Variants in SEMA4D observed in about 807,000 individuals in gnomAD.
The protein encoded by SEMA4D is semaphorin-4D.
A neutral mutation model predicts 74.8 loss-of-function variants in SEMA4D; 22 were observed. The ratio of observed to expected loss-of-function variants is 0.29; its 90% confidence interval spans 0.21 to 0.42. The LOEUF is 0.42. Ranked by LOEUF, SEMA4D falls within the 10% of genes least tolerant of loss-of-function variation. The pLI is 1.00. For synonymous variants in SEMA4D, 445 were observed against 463.7 expected, an observed-to-expected ratio of 0.96 and a Z score of 0.52; for missense variants, 937 against 1,118.4, an observed-to-expected ratio of 0.84 and a Z score of 2.31.
intron 13 of SEMA4D, among the ~76,000 whole-genome samples, chr9:89,382,266 C>T (rs1837286237): frequency 6.6e-6 from 1 of 152,232 alleles, no homozygotes; most frequent in African/African-American, 2.4e-5. Context: ...CCGTGGAGCG[C>T]GCTCTCTAGC....
At chr9:89,447,934 T>C (rs558525937) in intron 2 of SEMA4D, among the ~76,000 whole-genome samples, 73 of 152,320 alleles carry the variant, frequency 4.8e-4, no homozygotes, top group Middle Eastern at 3.4e-3. Flanking sequence ...CAGCTCCCCT[T>C]GTAGAACCCG....
At chr9:89,461,700 C>CCTTTTTTTTT (rs1857249389) in intron 1 of SEMA4D, among the ~76,000 whole-genome samples, 1 of 103,646 alleles carries the variant, frequency 9.6e-6, no homozygotes, top group African/African-American at 3.5e-5. Flanking sequence ...TCTTTTTTCT[C>CCTTTTTTTTT]TTTTTTTTTT....
intron 4 of SEMA4D, among the ~76,000 whole-genome samples, chr9:89,400,323 ATATC>A (rs1388724119): frequency 6.6e-6 from 1 of 152,248 alleles, no homozygotes; most frequent in African/African-American, 2.4e-5. Flanking sequence ...GAAGGTTTCT[ATATC>A]TATCTCTGCC....
intron 1 of SEMA4D, among the ~76,000 whole-genome samples, chr9:89,477,597 G>A (rs1019803114): frequency 1.3e-5 from 2 of 152,178 alleles, no homozygotes; most frequent in African/African-American, 4.8e-5. Context: ...ATACCTCTGC[G>A]TGGCATGACC....
rs745312622 is a variant in SEMA4D at position 89,363,793 on chromosome 9, G to A, written c.2040C>T (p.Leu680=). 5 of 1,613,836 alleles carry A rather than the reference G, an allele frequency of 3.1e-6. No homozygotes were observed. The Admixed American group carries it at 8.3e-5, about 27-fold the overall frequency. Residue 680 remains leucine (L), a synonymous_variant, in exon 17 of 19, where the codon CTC becomes CTT. Coordinates refer to the SEMA4D transcript ENST00000339861. Reference sequence around the variant, plus strand: ...TCGAAGTCTTGTTCCCTGCTGAGGAGAGGACAGAGCAGCGATACTCAGCGC... The same window carrying A: ...TCGAAGTCTTGTTCCCTGCTGAGGAAAGGACAGAGCAGCGATACTCAGCGC...
intron 2 of SEMA4D, among the ~76,000 whole-genome samples, chr9:89,420,139 C>A (rs1460059901): frequency 1.3e-5 from 2 of 152,166 alleles, no homozygotes; most frequent in African/African-American, 4.8e-5. Context: ...TGTCCTGCCT[C>A]CCAGCTGGGG....
intron 1 of SEMA4D, among the ~76,000 whole-genome samples, chr9:89,461,718 TTG>T (rs1477596698): frequency 6.6e-5 from 8 of 121,980 alleles, no homozygotes; most frequent in Non-Finnish European, 1.1e-4. Flanking sequence ...TTTTTTTTTT[TTG>T]GAGACAGAGT....
At chr9:89,408,690 C>A (rs113340778) in intron 2 of SEMA4D, among the ~76,000 whole-genome samples, 5 of 152,176 alleles carry the variant, frequency 3.3e-5, no homozygotes, top group Non-Finnish European at 7.3e-5. Flanking sequence ...GGCAGGCCTG[C>A]GGCAGGCAGG....
downstream of SEMA4D, among the ~76,000 whole-genome samples, chr9:89,373,347 T>C (rs1463823919): frequency 6.6e-6 from 1 of 152,164 alleles, no homozygotes; most frequent in Non-Finnish European, 1.5e-5. Flanking sequence ...GCCAAGTCCC[T>C]GGGGCCACTT....
chr9:89,450,509 C>T lies in SEMA4D; in HGVS notation c.-244+5379G>A. ...ATGAGAAGGAGGGTGAATTTGTTGC[C>T]CAGTTTAAATTTACAGTTCTGCTCC... On this transcript the variant is annotated intron_variant, in intron 2 of 15. Transcript: ENST00000422704. 3.1e-6 allele frequency: 4 copies of T among 1,300,596 alleles called. No individual in the cohort carries two copies. In the South Asian group the frequency reaches 3.5e-5, roughly 11 times the overall value. The allele number at this position is 1,300,596 out of a possible 1,614,324, so 80.6% of individuals were successfully genotyped here. A position where few individuals can be genotyped will look rare whatever the true frequency, so the allele number is the denominator to read the frequency against.
At chr9:89,391,619 C>T (rs555816718) in intron 8 of SEMA4D, among the ~76,000 whole-genome samples, 2 of 152,338 alleles carry the variant, frequency 1.3e-5, no homozygotes, top group African/African-American at 4.8e-5. Flanking sequence ...GTGCCCTACC[C>T]CCACCTCCTC....
chr9:89,438,218 G>T (rs1850887698), intron 2 of SEMA4D, among the ~76,000 whole-genome samples: 1 of 152,226 alleles, frequency 6.6e-6, no homozygotes, highest in Non-Finnish European at 1.5e-5. Context: ...GGCCATGAAG[G>T]CAAGTTTTAA....
At chr9:89,376,617 C>G, downstream of SEMA4D, 1 of 627,926 alleles carries the variant, frequency 1.6e-6, no homozygotes, top group Non-Finnish European at 2.7e-6. Flanking sequence ...ACTGGTTGAC[C>G]CCTGTACACT....
At chr9:89,459,267 T>C (rs1856699612) in intron 1 of SEMA4D, among the ~76,000 whole-genome samples, 1 of 152,120 alleles carries the variant, frequency 6.6e-6, no homozygotes, top group African/African-American at 2.4e-5. Context: ...TCCAAGAACA[T>C]GCATTTCTAA....
At position 89,392,439 on chromosome 9, in the gene SEMA4D, T is replaced by G; in HGVS notation, c.606A>C (p.Ala202=). The G allele has an allele frequency of 6.2e-7, 1 of 1,613,028 alleles. No homozygotes were observed. The highest frequency in any genetic ancestry group is 1.1e-5 in the South Asian group (1 of 91,060). Residue 202 remains alanine (A), a synonymous_variant, in exon 8 of 16, where the codon GCA becomes GCC. Coordinates refer to ENST00000422704, the MANE Select transcript of SEMA4D (RefSeq NM_001371194.2). ...SSHSPLRTEY[A]IPWLNEPSFV... ...CTTCCTTACCGTTCAGCCAAGGGAT[T>G]GCATATTCTGTCCTCAGAGGACTGT...
intron 2 of SEMA4D, among the ~76,000 whole-genome samples, chr9:89,444,516 T>C (rs935344579): frequency 6.6e-6 from 1 of 152,208 alleles, no homozygotes; most frequent in African/African-American, 2.4e-5. Context: ...CCAGTTTACA[T>C]GAGACCCTAA....
chr9:89,431,309 G>A (rs749519669), intron 2 of SEMA4D, among the ~76,000 whole-genome samples: 7 of 152,212 alleles, frequency 4.6e-5, no homozygotes, highest in Non-Finnish European at 1.0e-4. Flanking sequence ...GGGCTGGCTA[G>A]AACACCACCT....
chr9:89,399,182 C>T, intron 5 of SEMA4D, 94 bp downstream of exon 5: 1 of 1,045,068 alleles, frequency 9.6e-7, no homozygotes, highest in Non-Finnish European at 1.5e-6. Context: ...GGAGAAAAGG[C>T]TGGCCTGCAC....
intron 2 of SEMA4D, among the ~76,000 whole-genome samples, chr9:89,452,024 C>G (rs1332756363): frequency 6.6e-6 from 1 of 152,112 alleles, no homozygotes; most frequent in Non-Finnish European, 1.5e-5. Flanking sequence ...GTACCACCGA[C>G]ACAGCCACTG....
Sources: gnomAD v4.1 joint callset for allele counts (sites outside exome capture counted in the v4.1 genomes callset) on GRCh38, gnomAD v4.1.1 for gene constraint, MANE v1.5 for transcripts, NCBI Gene and HGNC (gene_info 2026-07-23, HGNC 2026-07-21) for gene names.